Variants in CBX3 observed in about 807,000 individuals in gnomAD.
CBX3 encodes chromobox protein homolog 3.
CBX3 carries 5 observed loss-of-function variants against 22.6 expected under a neutral mutation model. That is an observed-to-expected ratio of 0.22 (90% CI 0.12 to 0.47). The LOEUF is 0.47. Ranked by LOEUF, CBX3 falls within the 20% of genes least tolerant of loss-of-function variation. The probability of loss-of-function intolerance (pLI) is 0.99; values close to 1 mark genes in which losing one functional copy is unlikely to be tolerated. For missense variants in CBX3, 83 were observed against 208.1 expected, an observed-to-expected ratio of 0.40 and a Z score of 3.70; for synonymous variants, 50 against 66.6, an observed-to-expected ratio of 0.75 and a Z score of 1.21.
At chr7:26,209,739 T>C (rs994340468) in intron 4 of CBX3, among the ~76,000 whole-genome samples, 5 of 152,234 alleles carry the variant, frequency 3.3e-5, no homozygotes, top group Non-Finnish European at 7.3e-5. Flanking sequence ...ACTTCTTACT[T>C]ACACCCTTGA....
intron 1 of CBX3, chr7:26,202,246 T>C (rs1784514697): frequency 1.3e-5 from 2 of 152,160 alleles, no homozygotes; most frequent in South Asian, 4.1e-4. Flanking sequence ...GTCCCGAGGC[T>C]GCGGCGACCG....
In CBX3 at chr7:26,212,873, T is replaced by C. The variant is rs1341260610; in HGVS notation, c.*665T>C. Reference sequence around the variant, plus strand: ...TTTGCAAAATTCCTAAAAGGAAAAATTTTATCACTGCCATCACAGCAGGTT... The same window carrying C: ...TTTGCAAAATTCCTAAAAGGAAAAACTTTATCACTGCCATCACAGCAGGTT... On this transcript the variant is annotated 3_prime_UTR_variant, in exon 6 of 6. Transcript: ENST00000396386. 6.6e-6 allele frequency: 1 copy of C among 152,272 alleles called. No individual in the cohort carries two copies. The highest frequency in any genetic ancestry group is 1.5e-5 in the Non-Finnish European group (1 of 68,054). 9.4% of individuals were successfully genotyped at this position (152,272 alleles called of 1,614,324 possible).
intron 1 of CBX3, chr7:26,202,419 C>CTTCA (rs1429969218): frequency 6.6e-6 from 1 of 152,502 alleles, no homozygotes; most frequent in Non-Finnish European, 1.5e-5. Flanking sequence ...GGACGCCGGG[C>CTTCA]TTCAGCGGCG....
chr7:26,205,530 C>T (rs1784656601), intron 2 of CBX3, among the ~76,000 whole-genome samples: 1 of 152,256 alleles, frequency 6.6e-6, no homozygotes, highest in South Asian at 2.1e-4. Context: ...ATAGTTGACC[C>T]TGCAGTTGGT....
rs370499819 is a variant in CBX3, at chr7:26,206,523, A to T, written c.167+13A>T. On this transcript the variant is annotated intron_variant, in intron 3 of 5. Transcript: ENST00000396386. ...AGGGATTTACAGAGTAAGAAACTTT[A>T]GTGCATCTTTACTATATGTTTAACT... is the stretch of plus-strand genomic sequence containing the variant. 2 of 1,583,950 alleles carry T rather than the reference A, an allele frequency of 1.3e-6. No homozygotes were observed. Among genetic ancestry groups the T allele is most frequent in the African/African-American group, 2.7e-5 (2 of 73,372 alleles).
Position 26,206,397 on chromosome 7 carries a change from G to A in CBX3, c.54G>A (p.Lys18=), listed in dbSNP as rs1188420589. 2 of 1,612,032 alleles carry A rather than the reference G, an allele frequency of 1.2e-6. No homozygotes were observed. The highest frequency in any genetic ancestry group is 1.7e-5 in the Admixed American group (1 of 59,818). ...LQKMGKKQNG[K]SKKVEEAEPE... ...AAATGGGAAAAAAACAGAATGGAAA[G>A]AGTAAAAAAGTTGAAGAGGCAGAGC... is the stretch of plus-strand genomic sequence containing the variant. The change falls in exon 3 of 6, where the codon AAG becomes AAA. Residue 18 remains lysine, a synonymous_variant. Coordinates refer to ENST00000396386, the MANE Select transcript of CBX3 (RefSeq NM_016587.4).
intron 4 of CBX3, 93 bp downstream of exon 4, chr7:26,208,648 C>T (rs1784736234): frequency 3.2e-6 from 4 of 1,232,256 alleles, no homozygotes; most frequent in Non-Finnish European, 4.5e-6. Context: ...GAGATGGAGT[C>T]TTGCTCTTGT....
In CBX3 at chr7:26,212,865, A is replaced by C. The variant is rs1447733836; in HGVS notation, c.*657A>C. 6.6e-6 allele frequency: 1 copy of C among 152,304 alleles called. No individual in the cohort carries two copies. Among genetic ancestry groups the C allele is most frequent in the Non-Finnish European group, 1.5e-5 (1 of 68,060 alleles). 9.4% of individuals were successfully genotyped at this position (152,304 alleles called of 1,614,324 possible). ...GTGGTTTATTTGCAAAATTCCTAAA[A>C]GGAAAAATTTTATCACTGCCATCAC... On this transcript the variant is annotated 3_prime_UTR_variant, in exon 6 of 6. Coordinates refer to ENST00000396386, the MANE Select transcript of CBX3 (RefSeq NM_016587.4).
intron 2 of CBX3, 98 bp from the exon 3 acceptor site, chr7:26,206,270 T>G (rs919544206): frequency 1.2e-4 from 90 of 756,808 alleles, no homozygotes; most frequent in African/African-American, 9.2e-4. Context: ...AAGTAAAAAT[T>G]TATGTCGAAT....
upstream of CBX3, chr7:26,201,603 G>A (rs1216490101): frequency 6.7e-6 from 1 of 149,920 alleles, no homozygotes; most frequent in African/African-American, 2.4e-5. Flanking sequence ...TCCCCCTAGG[G>A]CCCCAATTCC....
At chr7:26,212,001 CTAT>C in intron 5 of CBX3, 78 bp from the exon 6 acceptor site, 1 of 1,260,404 alleles carries the variant, frequency 7.9e-7, no homozygotes, top group South Asian at 1.9e-5. Flanking sequence ...TTTGTTTGGA[CTAT>C]TATTTCTTAA....
rs1784673106 is a variant in CBX3 at position 26,206,249 on chromosome 7, C to G, written c.25-119C>G. 3 of 634,820 alleles carry G rather than the reference C, an allele frequency of 4.7e-6. No homozygotes were observed. In the East Asian group the frequency reaches 8.3e-5, roughly 18 times the overall value. 39.3% of individuals were successfully genotyped at this position (634,820 alleles called of 1,614,324 possible). On this transcript the variant is annotated intron_variant, in intron 2 of 5. Transcript: ENST00000396386. ...TTAATCTTTCCAGAAGGTGTCTGCCCTGGGATATAGAAGTAAAAATTTATG... is the reference window on the plus strand; with the variant it reads ...TTAATCTTTCCAGAAGGTGTCTGCCGTGGGATATAGAAGTAAAAATTTATG...
intron 2 of CBX3, 91 bp downstream of exon 2, chr7:26,203,113 T>A (rs1408759849): frequency 1.3e-6 from 1 of 743,440 alleles, no homozygotes; most frequent in Non-Finnish European, 2.2e-6. Flanking sequence ...CTGAGAAATT[T>A]ACATCCACAT....
In CBX3 at chr7:26,212,604, G is replaced by A. The variant is rs1317643926; in HGVS notation, c.*396G>A. 1 of 151,738 alleles carries A rather than the reference G, an allele frequency of 6.6e-6. No individual in the cohort carries two copies. Among genetic ancestry groups the A allele is most frequent in the Non-Finnish European group, 1.5e-5 (1 of 67,942 alleles). The allele number at this position is 151,738 out of a possible 1,614,324, so 9.4% of individuals were successfully genotyped here. On this transcript the variant is annotated 3_prime_UTR_variant, in exon 6 of 6. Coordinates refer to ENST00000396386, the MANE Select transcript of CBX3 (RefSeq NM_016587.4). ...TTTTTGTGTGTGTGTGTGTGTGTGT[G>A]TGTGTGTGTATCCATAAAATGCATA... is the stretch of plus-strand genomic sequence containing the variant.
Position 26,211,725 on chromosome 7 carries a change from A to T in CBX3, c.394A>T (p.Ser132Cys). 1 of 1,610,240 alleles carries T rather than the reference A, an allele frequency of 6.2e-7. No homozygotes were observed. The highest frequency in any genetic ancestry group is 8.5e-7 in the Non-Finnish European group (1 of 1,178,138). Residue 132 changes from serine to cysteine, a missense_variant, in exon 5 of 6, where the codon AGC (serine) becomes TGC (cysteine). By Grantham distance (112) the Ser-to-Cys change is moderately radical (BLOSUM62 -1). Transcript: ENST00000396386. ...DPERIIGATD[S>C]SGELMFLMKW... ...TGAAAGAATAATTGGTGCCACAGAC[A>T]GCAGTGGAGAATTGATGTTTCTCAT...
Position 26,208,460 on chromosome 7 carries a change from T to C in CBX3, c.235T>C (p.Ser79Pro), listed in dbSNP as rs1340679090. The C allele has an allele frequency of 6.2e-7, 1 of 1,613,958 alleles. No individual in the cohort carries two copies. The highest frequency in any genetic ancestry group is 8.5e-7 in the Non-Finnish European group (1 of 1,179,888). The change falls in exon 4 of 6, where the codon TCT (serine) becomes CCT (proline). Residue 79 changes from serine (S) to proline (P), a missense_variant. This residue lies in a region of CBX3 where 59 missense variants were observed against 155.0 expected (regional missense o/e 0.38). Coordinates refer to ENST00000396386, the MANE Select transcript of CBX3 (RefSeq NM_016587.4). ...AGAATTGATTGAAGCGTTTCTTAAC[T>C]CTCAGAAAGCTGGCAAAGAAAAAGA... ...CPELIEAFLNSQKAGKEKDGT... is the reference protein window; with the variant it reads ...CPELIEAFLNPQKAGKEKDGT...
At chr7:26,203,832 G>A (rs1222774894) in intron 2 of CBX3, among the ~76,000 whole-genome samples, 1 of 152,190 alleles carries the variant, frequency 6.6e-6, no homozygotes, top group Non-Finnish European at 1.5e-5. Flanking sequence ...GGGCACGTTA[G>A]TGATTTTTAA....
At chr7:26,202,860 A>G in intron 1 of CBX3, 111 bp from the exon 2 acceptor site, 1 of 753,608 alleles carries the variant, frequency 1.3e-6, no homozygotes, top group Non-Finnish European at 2.4e-6. Flanking sequence ...ATTTGTATTC[A>G]CGTTTGAAAT....
chr7:26,206,455 C>G lies in CBX3; in HGVS notation c.112C>G (p.Arg38Gly). 1 of 1,613,854 alleles carries G rather than the reference C, an allele frequency of 6.2e-7. No individual in the cohort carries two copies. Among genetic ancestry groups the G allele is most frequent in the East Asian group, 2.2e-5 (1 of 44,858 alleles). ...ATTTGTCGTGGAAAAAGTACTAGAT[C>G]GACGTGTAGTGAATGGGAAAGTGGA... ...EEFVVEKVLD[R>G]RVVNGKVEYF... is the part of the protein sequence containing the mutation. Residue 38 changes from arginine (R) to glycine (G), a missense_variant, in exon 3 of 6, where the codon CGA (arginine) becomes GGA (glycine). Coordinates refer to ENST00000396386, the MANE Select transcript of CBX3 (RefSeq NM_016587.4).
Sources: allele counts gnomAD v4.1 joint callset (sites outside exome capture counted in the v4.1 genomes callset), GRCh38; gene constraint gnomAD v4.1.1; regional missense constraint gnomAD v4.1.1; transcripts MANE v1.5; gene names NCBI Gene and HGNC (gene_info 2026-07-23, HGNC 2026-07-21).